NRGN: variants seen among roughly 807,000 people sequenced by gnomAD.
NRGN encodes calmodulin-binding protein.
For synonymous variants in NRGN, 47 were observed against 52.8 expected (o/e 0.89, Z 0.47); for missense variants, 82 against 123.0 (o/e 0.67, Z 1.58).
In NRGN at chr11:124,745,488, C is replaced by G; in HGVS notation, c.16-15C>G. 1 of 1,563,038 alleles carries G rather than the reference C, an allele frequency of 6.4e-7. No homozygotes were observed. Among genetic ancestry groups the G allele is most frequent in the African/African-American group, 1.4e-5 (1 of 72,134 alleles). The stretch of plus-strand genomic sequence containing the variant: ...ACCCAGTGACCCCACAAGAACCCCC[C>G]TGCTTCGCCCCCAGGAGAACGCCTG... On this transcript the variant is annotated splice_polypyrimidine_tract_variant and intron_variant, in intron 1 of 3. Coordinates refer to ENST00000284292, the MANE Select transcript of NRGN (RefSeq NM_006176.3). This position sits in a 1 kb window ranked among gnomAD's most constrained non-coding sequence, Gnocchi z 6.4.
rs1302272923 is a variant in NRGN at position 124,747,075 on chromosome 11, G to T, written c.*695G>T. ...GGTAGGAGGAGTCTTCCACGGCCCC[G>T]CCCCGCCCCTGTCGGTCCCGCCCTC... On this transcript the variant is annotated 3_prime_UTR_variant, in exon 4 of 4. Coordinates refer to ENST00000284292, the MANE Select transcript of NRGN (RefSeq NM_006176.3). 1.3e-5 allele frequency: 2 copies of T among 153,306 alleles called. No homozygotes were observed. Among genetic ancestry groups the T allele is most frequent in the African/African-American group, 4.8e-5 (2 of 41,434 alleles). The allele number at this position is 153,306 out of a possible 1,614,324, so 9.5% of individuals were successfully genotyped here.
chr11:124,741,733 A>T (rs1943967605), intron 1 of NRGN, among the ~76,000 whole-genome samples: 1 of 151,658 alleles, frequency 6.6e-6, no homozygotes, highest in African/African-American at 2.4e-5. Flanking sequence ...GGGGAAGGGG[A>T]AGTGGGAGAC....
rs1028569804 is a variant in NRGN, at chr11:124,739,964, T to G, written c.-121T>G. 4.2e-6 allele frequency: 2 copies of G among 474,888 alleles called. No homozygotes were observed. The highest frequency in any genetic ancestry group is 7.5e-6 in the Non-Finnish European group (2 of 268,422). 29.4% of individuals were successfully genotyped at this position (474,888 alleles called of 1,614,324 possible). ...GGGAGACCGGACCCGAGAGCAGAGC[T>G]GCTGTTTCGGCGCGGGTCGGCTGGC... On this transcript the variant is annotated 5_prime_UTR_variant, in exon 1 of 4. Coordinates refer to ENST00000284292, the MANE Select transcript of NRGN (RefSeq NM_006176.3).
rs550827954 is a variant in NRGN, at chr11:124,739,990, G to T, written c.-95G>T. 4.4e-5 allele frequency: 24 copies of T among 540,580 alleles called. No homozygotes were observed. Among genetic ancestry groups the T allele is most frequent in the African/African-American group, 1.6e-4 (8 of 50,476 alleles). 33.5% of individuals were successfully genotyped at this position (540,580 alleles called of 1,614,324 possible). On this transcript the variant is annotated 5_prime_UTR_variant, in exon 1 of 4. Transcript: ENST00000284292. ...GCTGTTTCGGCGCGGGTCGGCTGGC[G>T]GCCGACTGCCCCAGAGCCCCCACCC...
At chr11:124,742,000 G>C (rs930043551) in intron 1 of NRGN, among the ~76,000 whole-genome samples, 3 of 152,124 alleles carry the variant, frequency 2.0e-5, no homozygotes, top group African/African-American at 4.8e-5. Flanking sequence ...CATGGCCCAG[G>C]GCCTGGGGCA....
In NRGN at chr11:124,745,725, G is replaced by A; in HGVS notation, c.*1G>A. 7.4e-7 allele frequency: 1 copy of A among 1,345,272 alleles called. No homozygotes were observed. The allele number at this position is 1,345,272 out of a possible 1,614,324, so 83.3% of individuals were successfully genotyped here. ...GGGCGGCGGCCCCAGCGGAGACTAG[G>A]CCAGGTGAGGCGGGCGGCGCGCGGC... On this transcript the variant is annotated 3_prime_UTR_variant, in exon 2 of 4. Coordinates refer to ENST00000284292, the MANE Select transcript of NRGN (RefSeq NM_006176.3). This position sits in a 1 kb window ranked among gnomAD's most constrained non-coding sequence, Gnocchi z 6.4.
In NRGN at chr11:124,745,753, G is replaced by A; in HGVS notation, c.*5+24G>A. 3.3e-6 allele frequency: 4 copies of A among 1,210,338 alleles called. No individual in the cohort carries two copies. Among genetic ancestry groups the A allele is most frequent in the Non-Finnish European group, 4.2e-6 (4 of 942,388 alleles). The allele number at this position is 1,210,338 out of a possible 1,614,324, so 75.0% of individuals were successfully genotyped here. ...AGGTGAGGCGGGCGGCGCGCGGCTG[G>A]CTGACAGCTGCCCTTCCCCAGCCCT... On this transcript the variant is annotated intron_variant, in intron 2 of 3. Coordinates refer to ENST00000284292, the MANE Select transcript of NRGN (RefSeq NM_006176.3). This position sits in a 1 kb window ranked among gnomAD's most constrained non-coding sequence, Gnocchi z 6.4.
intron 1 of NRGN, among the ~76,000 whole-genome samples, chr11:124,743,128 T>G (rs1943978959): frequency 6.6e-6 from 1 of 152,254 alleles, no homozygotes; most frequent in Non-Finnish European, 1.5e-5. Context: ...CTGGCAGCTC[T>G]GTCCTGAAAA....
Position 124,740,125 on chromosome 11 carries a change from G to T in NRGN, c.15+26G>T. Reference sequence around the variant, plus strand: ...GTAAGTTAGAGGGCCCGGGGGAGGGGCACTTGGCGGGGTCCGCTGCGAGAG... The same window carrying T: ...GTAAGTTAGAGGGCCCGGGGGAGGGTCACTTGGCGGGGTCCGCTGCGAGAG... On this transcript the variant is annotated intron_variant, in intron 1 of 3. Coordinates refer to ENST00000284292, the MANE Select transcript of NRGN (RefSeq NM_006176.3). This position sits in a 1 kb window ranked among gnomAD's most constrained non-coding sequence, Gnocchi z 7.5. The T allele has an allele frequency of 7.5e-7, 1 of 1,328,332 alleles. No homozygotes were observed. 82.3% of individuals were successfully genotyped at this position (1,328,332 alleles called of 1,614,324 possible). A position where few individuals can be genotyped will look rare whatever the true frequency, so the allele number is the denominator to read the frequency against.
chr11:124,741,813 C>G (rs1002143014), intron 1 of NRGN, among the ~76,000 whole-genome samples: 1 of 152,006 alleles, frequency 6.6e-6, no homozygotes, highest in African/African-American at 2.4e-5. Flanking sequence ...TTGGTCTCCT[C>G]TGTGTCTGCA....
In NRGN at chr11:124,745,401, C is replaced by G; in HGVS notation, c.16-102C>G. 2.7e-6 allele frequency: 2 copies of G among 747,334 alleles called. No individual in the cohort carries two copies. Among genetic ancestry groups the G allele is most frequent in the South Asian group, 4.2e-5 (2 of 47,808 alleles). 46.3% of individuals were successfully genotyped at this position (747,334 alleles called of 1,614,324 possible). The stretch of plus-strand genomic sequence containing the variant: ...GACACCCCTCTCTGTACCTCCCACC[C>G]CCGCGTCGCCATAGTCCCTGTCCCT... On this transcript the variant is annotated intron_variant, in intron 1 of 3. Coordinates refer to ENST00000284292, the MANE Select transcript of NRGN (RefSeq NM_006176.3). This position sits in a 1 kb window ranked among gnomAD's most constrained non-coding sequence, Gnocchi z 6.4.
intron 1 of NRGN, among the ~76,000 whole-genome samples, chr11:124,741,949 C>T (rs953733797): frequency 1.3e-5 from 2 of 152,094 alleles, no homozygotes; most frequent in East Asian, 3.9e-4. Flanking sequence ...GAGAGGCTAC[C>T]CACCCAAAAG....
At chr11:124,743,557 G>A (rs1245840333) in intron 1 of NRGN, among the ~76,000 whole-genome samples, 4 of 152,028 alleles carry the variant, frequency 2.6e-5, no homozygotes, top group African/African-American at 9.7e-5. Flanking sequence ...CTACCAAAAT[G>A]TAACTCCTTT....
chr11:124,745,666 G>A lies in NRGN; in HGVS notation c.179G>A (p.Gly60Glu), dbSNP rs1435937789. 3 of 1,500,950 alleles carry A rather than the reference G, an allele frequency of 2.0e-6. No homozygotes were observed. Among genetic ancestry groups the A allele is most frequent in the Non-Finnish European group, 2.7e-6 (3 of 1,129,852 alleles). 93.0% of individuals were successfully genotyped at this position (1,500,950 alleles called of 1,614,324 possible). The change falls in exon 2 of 4, where the codon GGG becomes GAG. Residue 60 changes from glycine (G) to glutamate (E), a missense_variant. Transcript: ENST00000284292. This position sits in a 1 kb window ranked among gnomAD's most constrained non-coding sequence, Gnocchi z 6.4. ...GGCCGGAAGGGCCCGGGCCCTGGGG[G>A]GCCTGGCGGAGCTGGGGTGGCCCGG... ...ERGRKGPGPG[G>E]PGGAGVARGG...
rs61910622 is a variant in NRGN at position 124,746,551 on chromosome 11, A to G, written c.*171A>G. ...CTCACCCAGGCAGGCTCCGTCGCGG[A>G]GTCGCTGAGTCCGTGCCCTTTTAGT... On this transcript the variant is annotated 3_prime_UTR_variant, in exon 4 of 4. Coordinates refer to ENST00000284292, the MANE Select transcript of NRGN (RefSeq NM_006176.3). 2.0e-5 allele frequency: 3 copies of G among 152,646 alleles called. No homozygotes were observed. Among genetic ancestry groups the G allele is most frequent in the Non-Finnish European group, 4.4e-5 (3 of 68,096 alleles). 9.5% of individuals were successfully genotyped at this position (152,646 alleles called of 1,614,324 possible). A position where few individuals can be genotyped will look rare whatever the true frequency, so the allele number is the denominator to read the frequency against.
Position 124,740,167 on chromosome 11 carries a change from TG to T in NRGN, c.15+70del. On this transcript the variant is annotated intron_variant, in intron 1 of 3. Transcript: ENST00000284292. The surrounding 1 kb of genome is among the most constrained non-coding windows in gnomAD (Gnocchi z 7.5). ...CTGCGAGAGGCGCCTGAGAAAGCCC[TG>T]GAGGGCGAGAGAGGGATGGAAGTGG... 8.5e-7 allele frequency: 1 copy of T among 1,179,698 alleles called. No individual in the cohort carries two copies. The highest frequency in any genetic ancestry group is 1.1e-6 in the Non-Finnish European group (1 of 911,644). The allele number at this position is 1,179,698 out of a possible 1,614,324, so 73.1% of individuals were successfully genotyped here. A position where few individuals can be genotyped will look rare whatever the true frequency, so the allele number is the denominator to read the frequency against.
intron 3 of NRGN, 138 bp from the exon 4 acceptor site, chr11:124,746,266 G>C (rs1050580554): frequency 1.3e-5 from 2 of 152,580 alleles, no homozygotes; most frequent in African/African-American, 4.8e-5. Context: ...TCAGCGCTTT[G>C]ACTCGGGGTG....
In NRGN at chr11:124,746,563, C is replaced by A; in HGVS notation, c.*183C>A. On this transcript the variant is annotated 3_prime_UTR_variant, in exon 4 of 4. Coordinates refer to ENST00000284292, the MANE Select transcript of NRGN (RefSeq NM_006176.3). ...GGCTCCGTCGCGGAGTCGCTGAGTC[C>A]GTGCCCTTTTAGTTAGTTCTGCAGT... The A allele has an allele frequency of 6.5e-6, 1 of 152,814 alleles. No individual in the cohort carries two copies. 9.5% of individuals were successfully genotyped at this position (152,814 alleles called of 1,614,324 possible). A position where few individuals can be genotyped will look rare whatever the true frequency, so the allele number is the denominator to read the frequency against.
chr11:124,740,140 C>T lies in NRGN; in HGVS notation c.15+41C>T, dbSNP rs554288256. ...CGGGGGAGGGGCACTTGGCGGGGTCCGCTGCGAGAGGCGCCTGAGAAAGCC... is the reference window on the plus strand; with the variant it reads ...CGGGGGAGGGGCACTTGGCGGGGTCTGCTGCGAGAGGCGCCTGAGAAAGCC... On this transcript the variant is annotated intron_variant, in intron 1 of 3. Coordinates refer to ENST00000284292, the MANE Select transcript of NRGN (RefSeq NM_006176.3). The surrounding 1 kb of genome is among the most constrained non-coding windows in gnomAD (Gnocchi z 7.5). The T allele has an allele frequency of 1.0e-4, 131 of 1,306,310 alleles. 1 individual carries two copies. The South Asian group carries it at 2.6e-3, about 26-fold the overall frequency. 80.9% of individuals were successfully genotyped at this position (1,306,310 alleles called of 1,614,324 possible).
Sources: gnomAD v4.1 joint callset for allele counts (sites outside exome capture counted in the v4.1 genomes callset) on GRCh38, gnomAD v4.1.1 for gene constraint, Gnocchi (gnomAD v3.1) non-coding constraint, MANE v1.5 for transcripts, NCBI Gene and HGNC (gene_info 2026-07-23, HGNC 2026-07-21) for gene names.